Variants in RIN3 observed in about 807,000 individuals in gnomAD.
RIN3 encodes the protein RAB5 interacting protein 3.
In RIN3, 54 loss-of-function variants were observed where a neutral mutation model predicts 76.3. The ratio of observed to expected loss-of-function variants is 0.71; its 90% CI spans 0.57 to 0.89. The LOEUF (loss-of-function observed/expected upper bound fraction) is 0.89, where lower values mean the gene tolerates loss of function less well. Among genes scored for constraint, RIN3 ranks in the 40% least tolerant of loss-of-function variants. The probability of loss-of-function intolerance (pLI) is 0.00; values close to 1 mark genes in which losing one functional copy is unlikely to be tolerated. For synonymous variants in RIN3, 576 were observed against 564.0 expected (o/e 1.02, Z -0.30); for missense variants, 1,256 against 1,322.1 (o/e 0.95, Z 0.78).
chr14:92,629,619 TC>T (rs1886491309), intron 4 of RIN3, among the ~76,000 whole-genome samples: 1 of 152,226 alleles, frequency 6.6e-6, no homozygotes, highest in Non-Finnish European at 1.5e-5. Flanking sequence ...GACCCTATTT[TC>T]CTGCCCCAGT....
rs370343856 is a variant in RIN3 at position 92,659,226 on chromosome 14, T to G, written c.2092T>G (p.Cys698Gly). 2 of 1,614,206 alleles carry G rather than the reference T, an allele frequency of 1.2e-6. No individual in the cohort carries two copies. Among genetic ancestry groups the G allele is most frequent in the Non-Finnish European group, 1.7e-6 (2 of 1,180,034 alleles). ...GCCCCTGAAGGAAGCCATCAACTCA[T>G]GCCTGCATCAGATCCACAGCAAGGA... ...LKPLKEAINS[C>G]LHQIHSKDGS... is the part of the protein sequence containing the mutation. Residue 698 changes from cysteine (C) to glycine (G), a missense_variant, in exon 7 of 10, where the codon TGC becomes GGC. Coordinates refer to ENST00000216487, the MANE Select transcript of RIN3 (RefSeq NM_024832.5).
intron 7 of RIN3, 147 bp from the exon 8 acceptor site, chr14:92,676,328 G>C: frequency 1.1e-6 from 1 of 939,510 alleles, no homozygotes; most frequent in Non-Finnish European, 1.6e-6. Context: ...GGTCCTCTCT[G>C]TCCTGAGAGT....
At chr14:92,670,060 T>A (rs2140162369) in intron 7 of RIN3, among the ~76,000 whole-genome samples, 1 of 135,816 alleles carries the variant, frequency 7.4e-6, no homozygotes, top group South Asian at 2.5e-4. Flanking sequence ...CAGACCCAGC[T>A]GATTTTTTTT....
chr14:92,596,971 A>G (rs560853875), intron 3 of RIN3, among the ~76,000 whole-genome samples: 2 of 152,302 alleles, frequency 1.3e-5, no homozygotes, highest in Non-Finnish European at 1.5e-5. Flanking sequence ...AATGCTATAA[A>G]TCAGGGTTTG....
intron 1 of RIN3, among the ~76,000 whole-genome samples, chr14:92,537,249 G>C (rs575702284): frequency 7.9e-5 from 12 of 152,068 alleles, no homozygotes; most frequent in Non-Finnish European, 1.8e-4. Context: ...GTTTCATATG[G>C]TACTAATATT....
chr14:92,633,062 G>A (rs1189117347), intron 4 of RIN3, among the ~76,000 whole-genome samples: 1 of 152,210 alleles, frequency 6.6e-6, no homozygotes, highest in African/African-American at 2.4e-5. Context: ...GCAAGGGGCT[G>A]CTGCAGCCAT....
At chr14:92,564,699 A>T (rs1409453176) in intron 2 of RIN3, among the ~76,000 whole-genome samples, 1 of 152,162 alleles carries the variant, frequency 6.6e-6, no homozygotes, top group Non-Finnish European at 1.5e-5. Context: ...ATCAAAGAAA[A>T]TCGAACTCTC....
In RIN3 at chr14:92,688,327, G is replaced by A. The variant is rs1290401485; in HGVS notation, c.*75G>A. The A allele has an allele frequency of 2.2e-6, 3 of 1,353,476 alleles. No homozygotes were observed. Among genetic ancestry groups the A allele is most frequent in the African/African-American group, 1.5e-5 (1 of 68,574 alleles). The allele number at this position is 1,353,476 out of a possible 1,614,324, so 83.8% of individuals were successfully genotyped here. On this transcript the variant is annotated 3_prime_UTR_variant, in exon 10 of 10. Coordinates refer to ENST00000216487, the MANE Select transcript of RIN3 (RefSeq NM_024832.5). ...CCTCTGGCTGCGCACTCCCGACCGC[G>A]ACGTCCACGCAGCAGAGGGACATGG...
In RIN3 at chr14:92,547,122, TTA is replaced by T. The variant is rs1366166570; in HGVS notation, c.45-8627_45-8626del. 6.4e-5 allele frequency among the ~76,000 whole-genome samples: 4 copies of T among 62,120 alleles called. 1 individual carries two copies. Among genetic ancestry groups the T allele is most frequent in the African/African-American group, 2.8e-4 (4 of 14,540 alleles). The allele number at this position is 62,120 out of a possible 152,430, so 40.8% of individuals were successfully genotyped here. On this transcript the variant is annotated intron_variant, in intron 1 of 9. Coordinates refer to ENST00000216487, the MANE Select transcript of RIN3 (RefSeq NM_024832.5). Reference sequence around the variant, plus strand: ...AATTAAATAAATTATCTTTATTTTATTATTATTATAAAGTAAATTATCTTTAT... The same window carrying T: ...AATTAAATAAATTATCTTTATTTTATTTATTATAAAGTAAATTATCTTTAT...
At chr14:92,687,217 G>A (rs558021963) in intron 9 of RIN3, 2 of 152,272 alleles carry the variant, frequency 1.3e-5, no homozygotes. Flanking sequence ...ACGAATCAAG[G>A]CCACACAGGC....
intron 8 of RIN3, among the ~76,000 whole-genome samples, chr14:92,684,132 C>A (rs1378137810): frequency 6.6e-6 from 1 of 152,092 alleles, no homozygotes; most frequent in Non-Finnish European, 1.5e-5. Context: ...GTAATCCCAG[C>A]ACTTTGGGAG....
At chr14:92,581,621 C>G (rs973623119) in intron 3 of RIN3, among the ~76,000 whole-genome samples, 4 of 152,142 alleles carry the variant, frequency 2.6e-5, no homozygotes, top group African/African-American at 9.7e-5. Flanking sequence ...CCCCGCCCAG[C>G]CTCCAGGGTC....
At chr14:92,637,787 T>C (rs1423756175) in intron 4 of RIN3, among the ~76,000 whole-genome samples, 7 of 152,270 alleles carry the variant, frequency 4.6e-5, no homozygotes, top group Admixed American at 2.6e-4. Flanking sequence ...AAAAATGTAG[T>C]AAGTGGTTTG....
intron 7 of RIN3, 85 bp from the exon 8 acceptor site, chr14:92,676,390 A>G (rs1359429409): frequency 6.6e-7 from 1 of 1,509,376 alleles, no homozygotes; most frequent in Non-Finnish European, 9.1e-7. Context: ...CACACTCAGC[A>G]AACCACTGTC....
rs1357698229 is a variant in RIN3 at position 92,547,090 on chromosome 14, A to ATCTTTATTT, written c.45-8660_45-8659insCTTTATTTT. On this transcript the variant is annotated intron_variant, in intron 1 of 9. Coordinates refer to ENST00000216487, the MANE Select transcript of RIN3 (RefSeq NM_024832.5). ...ATTTTATTTTATATTATATTATATT[A>ATCTTTATTT]TATTATAATTAAATAAATTATCTTT... 3.2e-5 allele frequency among the ~76,000 whole-genome samples: 2 copies of ATCTTTATTT among 63,020 alleles called. 1 individual carries two copies. The highest frequency in any genetic ancestry group is 7.2e-5 in the Non-Finnish European group (2 of 27,648). 41.3% of individuals were successfully genotyped at this position (63,020 alleles called of 152,430 possible).
intron 1 of RIN3, chr14:92,515,388 A>G (rs1225223479): frequency 5.2e-6 from 3 of 580,342 alleles, no homozygotes. Flanking sequence ...CCGGCTTCTC[A>G]TTTTCCCCAG....
chr14:92,615,529 C>T (rs1191892892), intron 4 of RIN3, 50 bp downstream of exon 4: 1 of 1,483,676 alleles, frequency 6.7e-7, no homozygotes, highest in Admixed American at 1.7e-5. Flanking sequence ...GCAAACATCA[C>T]ATGCAACCCT....
chr14:92,660,616 G>A (rs1017787123), intron 7 of RIN3, among the ~76,000 whole-genome samples: 3 of 152,248 alleles, frequency 2.0e-5, no homozygotes, highest in Non-Finnish European at 4.4e-5. Context: ...GCCCATCGAG[G>A]CCTGGCCCTG....
chr14:92,514,015 C>G lies in RIN3; in HGVS notation c.44+39C>G. The G allele has an allele frequency of 8.3e-7, 1 of 1,207,780 alleles. No individual in the cohort carries two copies. The highest frequency in any genetic ancestry group is 1.0e-6 in the Non-Finnish European group (1 of 964,052). The allele number at this position is 1,207,780 out of a possible 1,614,324, so 74.8% of individuals were successfully genotyped here. ...GCCGCCCCCTCCTCCCTCGCGATCC[C>G]CACGGCCCGCGTCCTGGCCGCCCCA... On this transcript the variant is annotated intron_variant, in intron 1 of 9. Transcript: ENST00000216487. The surrounding 1 kb of genome is among the most constrained non-coding windows in gnomAD (Gnocchi z 7.2).
Sources: gnomAD v4.1 joint callset for allele counts (sites outside exome capture counted in the v4.1 genomes callset) on GRCh38, gnomAD v4.1.1 for gene constraint, Gnocchi (gnomAD v3.1) non-coding constraint, MANE v1.5 for transcripts, NCBI Gene and HGNC (gene_info 2026-07-23, HGNC 2026-07-21) for gene names.